Variants in ELOVL2 observed in about 807,000 individuals in gnomAD.
ELOVL2 encodes the protein very long chain fatty acid elongase 2.
ELOVL2 carries 38 observed loss-of-function variants against 37.7 expected under a neutral mutation model. The ratio of observed to expected loss-of-function variants is 1.01; its 90% confidence interval spans 0.78 to 1.32. The LOEUF (loss-of-function observed/expected upper bound fraction) is 1.32. Among genes scored for constraint, ELOVL2 ranks in the 40% most tolerant of loss-of-function variants. The pLI, the probability that ELOVL2 is intolerant of heterozygous loss-of-function variation, is 0.00. For missense variants in ELOVL2, 352 were observed against 363.6 expected (o/e 0.97, Z 0.26); for synonymous variants, 115 against 122.3 (o/e 0.94, Z 0.40).
At chr6:11,037,876 TATATATGCA>T (rs1783039231) in intron 1 of ELOVL2, among the ~76,000 whole-genome samples, 1 of 152,258 alleles carries the variant, frequency 6.6e-6, no homozygotes, top group South Asian at 2.1e-4. Flanking sequence ...TGTTTAAGTG[TATATATGCA>T]ATATATGTAT....
chr6:11,033,691 T>C (rs2113562542), intron 1 of ELOVL2, among the ~76,000 whole-genome samples: 1 of 152,330 alleles, frequency 6.6e-6, no homozygotes, highest in East Asian at 1.9e-4. Flanking sequence ...CACTGATTAA[T>C]AAAACTCATG....
At chr6:11,010,325 G>A (rs750311837) in intron 2 of ELOVL2, among the ~76,000 whole-genome samples, 106 of 152,122 alleles carry the variant, frequency 7.0e-4, no homozygotes, top group South Asian at 1.5e-3. Context: ...CCCAGCCAGC[G>A]CACACATCTT....
intron 1 of ELOVL2, among the ~76,000 whole-genome samples, chr6:11,013,856 C>G (rs1054787698): frequency 7.1e-6 from 1 of 140,568 alleles, no homozygotes; most frequent in Non-Finnish European, 1.5e-5. Context: ...TTGGCCACGT[C>G]CCTCCACAAA....
At chr6:11,038,661 T>A (rs562925384) in intron 1 of ELOVL2, among the ~76,000 whole-genome samples, 2 of 152,182 alleles carry the variant, frequency 1.3e-5, no homozygotes, top group Non-Finnish European at 2.9e-5. Context: ...AAACTTATGA[T>A]GAAATATGGA....
In ELOVL2 at chr6:11,030,823, C is replaced by A. The variant is rs1782919227; in HGVS notation, c.3+13405G>T. Among the ~76,000 whole-genome samples, 9 of 152,086 alleles carry A rather than the reference C, an allele frequency of 5.9e-5. No individual in the cohort carries two copies. The South Asian group carries it at 1.2e-3, about 21-fold the overall frequency. ...ATCTTTTTAAACTAATTTAAATAAACACGTACTGGGCACTAAGAAATGAAA... is the reference window on the plus strand; with the variant it reads ...ATCTTTTTAAACTAATTTAAATAAAAACGTACTGGGCACTAAGAAATGAAA... On this transcript the variant is annotated intron_variant, in intron 1 of 7. Coordinates refer to ENST00000354666, the MANE Select transcript of ELOVL2 (RefSeq NM_017770.4).
chr6:10,990,273 A>G, intron 6 of ELOVL2, 45 bp downstream of exon 6: 1 of 1,591,072 alleles, frequency 6.3e-7, no homozygotes, highest in Non-Finnish European at 8.5e-7. Context: ...TCCTTTCCCC[A>G]TCCATAAGCC....
chr6:10,989,698 C>A lies in ELOVL2; in HGVS notation c.765+5G>T. The A allele has an allele frequency of 6.2e-7, 1 of 1,612,498 alleles. No homozygotes were observed. Among genetic ancestry groups the A allele is most frequent in the Non-Finnish European group, 8.5e-7 (1 of 1,179,022 alleles). On this transcript the variant is annotated splice_donor_5th_base_variant and intron_variant, in intron 7 of 7. Transcript: ENST00000354666. Reference sequence around the variant, plus strand: ...TTTACTGCTGAATATTTACATTCCACGTACCTGAACGTAAAAATTTAAGAA... The same window carrying A: ...TTTACTGCTGAATATTTACATTCCAAGTACCTGAACGTAAAAATTTAAGAA...
At chr6:11,030,446 T>G (rs1782908641) in intron 1 of ELOVL2, among the ~76,000 whole-genome samples, 1 of 152,154 alleles carries the variant, frequency 6.6e-6, no homozygotes, top group South Asian at 2.1e-4. Context: ...ACATATCACT[T>G]ATGAATGTTA....
At position 10,993,271 on chromosome 6, in the gene ELOVL2, C is replaced by A. The variant is rs111804644; in HGVS notation, c.505+1736G>T. Among the ~76,000 whole-genome samples the A allele has an allele frequency of 2.0e-3, 303 of 152,258 alleles. 1 individual carries two copies. Among genetic ancestry groups the A allele is most frequent in the African/African-American group, 6.9e-3 (285 of 41,562 alleles). ...TGGGTTCTTTTGTGTTTTTTCTTAA[C>A]AGACACGGCTTTTAAAATAAAATCT... On this transcript the variant is annotated intron_variant, in intron 5 of 7. Transcript: ENST00000354666.
At chr6:11,026,485 TA>T in intron 1 of ELOVL2, among the ~76,000 whole-genome samples, 1 of 152,216 alleles carries the variant, frequency 6.6e-6, no homozygotes, top group South Asian at 2.1e-4. Flanking sequence ...TTCTGGGCTA[TA>T]ACAGGAGAGG....
At chr6:11,037,963 T>G (rs925590381) in intron 1 of ELOVL2, among the ~76,000 whole-genome samples, 1 of 152,228 alleles carries the variant, frequency 6.6e-6, no homozygotes, top group Non-Finnish European at 1.5e-5. Flanking sequence ...GTCACTCTGA[T>G]TTTTCCATTT....
At chr6:11,030,482 CTTT>C (rs974379366) in intron 1 of ELOVL2, among the ~76,000 whole-genome samples, 1 of 151,812 alleles carries the variant, frequency 6.6e-6, no homozygotes, top group Admixed American at 6.6e-5. Flanking sequence ...TGCTTCAAAT[CTTT>C]TTTTTGTTTG....
At chr6:11,041,875 A>G (rs954701745) in intron 1 of ELOVL2, among the ~76,000 whole-genome samples, 1 of 152,246 alleles carries the variant, frequency 6.6e-6, no homozygotes, top group Non-Finnish European at 1.5e-5. Context: ...TGGAATAATA[A>G]GACTAACTAG....
intron 7 of ELOVL2, 52 bp from the exon 8 acceptor site, chr6:10,983,958 A>T: frequency 3.3e-6 from 5 of 1,517,086 alleles, no homozygotes; most frequent in Non-Finnish European, 4.5e-6. Flanking sequence ...ATTTAATAAG[A>T]CCTTGTCTTT....
intron 1 of ELOVL2, among the ~76,000 whole-genome samples, chr6:11,039,718 C>G (rs1783071506): frequency 6.6e-6 from 1 of 152,216 alleles, no homozygotes; most frequent in African/African-American, 2.4e-5. Flanking sequence ...ATGATTTCAT[C>G]TTCCCTTCCC....
At position 11,005,352 on chromosome 6, in the gene ELOVL2, T is replaced by C. The variant is rs1258751728; in HGVS notation, c.255+20A>G. The stretch of plus-strand genomic sequence containing the variant: ...AACTGCTAGTTACTGGACTTCAGCT[T>C]TGGCTACATAAACACTTACCTCTGC... On this transcript the variant is annotated intron_variant, in intron 3 of 7. Coordinates refer to ENST00000354666, the MANE Select transcript of ELOVL2 (RefSeq NM_017770.4). 1 of 1,600,862 alleles carries C rather than the reference T, an allele frequency of 6.2e-7. No individual in the cohort carries two copies. Among genetic ancestry groups the C allele is most frequent in the African/African-American group, 1.3e-5 (1 of 74,482 alleles).
intron 1 of ELOVL2, among the ~76,000 whole-genome samples, chr6:11,016,128 T>TA (rs578139609): frequency 0.012 from 1,209 of 96,726 alleles, 17 homozygotes; most frequent in African/African-American, 0.037. Context: ...TCTCTTCCTT[T>TA]AATTTCCTTT....
chr6:11,044,125 AGCGCCCGCGCCG>A lies in ELOVL2; in HGVS notation c.3+91_3+102del, dbSNP rs1340321017. On this transcript the variant is annotated intron_variant, in intron 1 of 7. Transcript: ENST00000354666. This position sits in a 1 kb window ranked among gnomAD's most constrained non-coding sequence, Gnocchi z 5.6. ...TAGCGGGTTCCAGCGGCGAACCCGC[AGCGCCCGCGCCG>A]GCGCCCGCTCGGCCCTTTCCCGCCC... 9.1e-6 allele frequency: 12 copies of A among 1,321,772 alleles called. No homozygotes were observed. Among genetic ancestry groups the A allele is most frequent in the African/African-American group, 1.6e-5 (1 of 63,944 alleles). 81.9% of individuals were successfully genotyped at this position (1,321,772 alleles called of 1,614,324 possible). A position where few individuals can be genotyped will look rare whatever the true frequency, so the allele number is the denominator to read the frequency against.
chr6:11,041,558 TA>T (rs1025744205), intron 1 of ELOVL2, among the ~76,000 whole-genome samples: 62 of 152,302 alleles, frequency 4.1e-4, no homozygotes, highest in Middle Eastern at 6.8e-3. Context: ...AATAGAAACT[TA>T]AGTCAATAAG....
Sources: gnomAD v4.1 joint callset for allele counts (sites outside exome capture counted in the v4.1 genomes callset) on GRCh38, gnomAD v4.1.1 for gene constraint, Gnocchi (gnomAD v3.1) non-coding constraint, MANE v1.5 for transcripts, NCBI Gene and HGNC (gene_info 2026-07-23, HGNC 2026-07-21) for gene names.